Variants in DNAH7 observed in about 807,000 individuals in gnomAD.
DNAH7 encodes the protein dynein axonemal heavy chain 7, also known as axonemal beta dynein heavy chain 7.
A neutral mutation model predicts 444.6 loss-of-function variants in DNAH7; 397 were observed. The ratio of observed to expected loss-of-function variants is 0.89; its 90% CI spans 0.82 to 0.97. The LOEUF (loss-of-function observed/expected upper bound fraction) is 0.97, where lower values mean the gene tolerates loss of function less well. DNAH7 is among the 50% of genes least tolerant of loss of function. The probability of loss-of-function intolerance (pLI) is 0.00; values close to 1 mark genes in which losing one functional copy is unlikely to be tolerated. For synonymous variants in DNAH7, 1,636 were observed against 1,624.4 expected (o/e 1.01, Z -0.17); for missense variants, 4,902 against 4,800.8 (o/e 1.02, Z -0.62).
At chr2:195,836,814 A>G (rs1321414096) in intron 47 of DNAH7, among the ~76,000 whole-genome samples, 1 of 152,214 alleles carries the variant, frequency 6.6e-6, no homozygotes, top group East Asian at 1.9e-4. Flanking sequence ...TTTCCTAAAT[A>G]AATTGAATTA....
intron 7 of DNAH7, among the ~76,000 whole-genome samples, chr2:196,026,192 T>C (rs1459379706): frequency 6.6e-6 from 1 of 152,214 alleles, no homozygotes; most frequent in Non-Finnish European, 1.5e-5. Flanking sequence ...TGCAAATGAA[T>C]TAGTGTGGCT....
At chr2:195,813,273 GGA>G (rs891316318) in intron 51 of DNAH7, among the ~76,000 whole-genome samples, 7 of 152,116 alleles carry the variant, frequency 4.6e-5, no homozygotes, top group Non-Finnish European at 5.9e-5. Flanking sequence ...TTGAAAATAA[GGA>G]GAGAGATTTT....
intron 57 of DNAH7, among the ~76,000 whole-genome samples, chr2:195,788,187 G>A (rs1471832423): frequency 6.6e-6 from 1 of 152,212 alleles, no homozygotes. Context: ...GGCAATAGCA[G>A]CCGCCATCAG....
At chr2:195,786,866 T>C (rs778560085) in intron 58 of DNAH7, 144 bp downstream of exon 58, 10 of 752,950 alleles carry the variant, frequency 1.3e-5, no homozygotes, top group Non-Finnish European at 2.0e-5. Context: ...TACAATAAAG[T>C]ACTACTTAAT....
Position 195,953,373 on chromosome 2 carries a change from C to G in DNAH7, c.3078+3888G>C, listed in dbSNP as rs115119743. On this transcript the variant is annotated intron_variant, in intron 19 of 64. Transcript: ENST00000312428. ...TCTCCTGTATGAGGTGTCTGTTGAC[C>G]CTGGCTGGGAGGTATTTCCCAGTCA... 5.4e-3 allele frequency among the ~76,000 whole-genome samples: 815 copies of G among 152,268 alleles called. 11 individuals carry two copies. The highest frequency in any genetic ancestry group is 0.019 in the African/African-American group (781 of 41,560).
Position 195,861,772 on chromosome 2 carries a change from T to C in DNAH7, c.7681A>G (p.Thr2561Ala), listed in dbSNP as rs915361821. ...GTGGAGATTAATTCGAGGTAAGAGG[T>C]AGGAGTCACATAATTGTATCTTTGA... The part of the protein sequence containing the change: ...ELQRYNYVTP[T>A]SYLELISTFK... The change falls in exon 42 of 65, where the codon ACC becomes GCC. Residue 2561 changes from threonine (T) to alanine (A), a missense_variant. Transcript: ENST00000312428. 22 of 1,613,620 alleles carry C rather than the reference T, an allele frequency of 1.4e-5. No homozygotes were observed. Among genetic ancestry groups the C allele is most frequent in the Non-Finnish European group, 1.8e-5 (21 of 1,179,624 alleles).
At chr2:195,756,323 G>C (rs1694072377) in intron 61 of DNAH7, 38 bp from the exon 62 acceptor site, 1 of 1,485,496 alleles carries the variant, frequency 6.7e-7, no homozygotes, top group South Asian at 1.4e-5. Flanking sequence ...TAATAGTATA[G>C]ATTATGATAG....
chr2:195,841,128 A>G (rs988337078), intron 47 of DNAH7, among the ~76,000 whole-genome samples: 1 of 151,862 alleles, frequency 6.6e-6, no homozygotes, highest in Non-Finnish European at 1.5e-5. Flanking sequence ...ATGTGAACCA[A>G]TGATTTTCAA....
intron 19 of DNAH7, among the ~76,000 whole-genome samples, chr2:195,940,472 A>C (rs115925209): frequency 0.031 from 4,792 of 152,312 alleles, 94 homozygotes; most frequent in Middle Eastern, 0.054. Context: ...ATGGGCAAAG[A>C]CTTCATTGGC....
chr2:196,004,208 A>G (rs552990354), intron 10 of DNAH7, among the ~76,000 whole-genome samples: 49 of 152,348 alleles, frequency 3.2e-4, no homozygotes, highest in African/African-American at 1.1e-3. Context: ...CTCATCGAGC[A>G]GTGGTTTACA....
rs1694041140 is a variant in DNAH7, at chr2:195,755,826, A to C, written c.11586+307T>G. Reference sequence around the variant, plus strand: ...GACCTAGAAAAGTTCTGGGCAATGAAGCTATAATACCCCTCACTGGAAGCT... The same window carrying C: ...GACCTAGAAAAGTTCTGGGCAATGACGCTATAATACCCCTCACTGGAAGCT... On this transcript the variant is annotated intron_variant, in intron 62 of 64. Coordinates refer to ENST00000312428, the MANE Select transcript of DNAH7 (RefSeq NM_018897.3). Among the ~76,000 whole-genome samples, 3 of 152,210 alleles carry C rather than the reference A, an allele frequency of 2.0e-5. No homozygotes were observed. The South Asian group carries it at 6.2e-4, about 32-fold the overall frequency.
At chr2:195,946,549 G>C (rs889210529) in intron 19 of DNAH7, among the ~76,000 whole-genome samples, 1 of 152,128 alleles carries the variant, frequency 6.6e-6, no homozygotes, top group Non-Finnish European at 1.5e-5. Context: ...AAGACCAACA[G>C]AAAAGGCACA....
At chr2:195,891,536 T>G (rs1355636257) in intron 31 of DNAH7, 119 bp downstream of exon 31, 2 of 966,844 alleles carry the variant, frequency 2.1e-6, no homozygotes, top group Non-Finnish European at 2.8e-6. Flanking sequence ...CAGTACTGTG[T>G]TTTAAATAAT....
intron 12 of DNAH7, chr2:195,994,684 G>C (rs1472353885): frequency 2.0e-6 from 1 of 510,778 alleles, no homozygotes; most frequent in Non-Finnish European, 3.9e-6. Flanking sequence ...GTTTCTGGAG[G>C]GGCTTTCACA....
chr2:195,882,476 A>C (rs781698427), intron 35 of DNAH7, among the ~76,000 whole-genome samples: 4 of 152,220 alleles, frequency 2.6e-5, no homozygotes, highest in Non-Finnish European at 4.4e-5. Flanking sequence ...GTATAGAAAA[A>C]AATATATAAA....
At chr2:195,959,611 C>T (rs1272862199) in intron 18 of DNAH7, among the ~76,000 whole-genome samples, 1 of 152,152 alleles carries the variant, frequency 6.6e-6, no homozygotes, top group Non-Finnish European at 1.5e-5. Context: ...CCATGCAAAT[C>T]CACTGAAGAC....
At chr2:195,784,745 C>T (rs1398676750) in intron 58 of DNAH7, among the ~76,000 whole-genome samples, 2 of 152,144 alleles carry the variant, frequency 1.3e-5, no homozygotes, top group African/African-American at 4.8e-5. Flanking sequence ...TCCTTGTTAG[C>T]ATTTGGTGGT....
intron 52 of DNAH7, 34 bp downstream of exon 52, chr2:195,809,711 G>A: frequency 4.0e-6 from 6 of 1,486,840 alleles, no homozygotes; most frequent in Non-Finnish European, 5.4e-6. Context: ...GCGTTATTAA[G>A]GGTTTTTTTC....
intron 1 of DNAH7, among the ~76,000 whole-genome samples, chr2:196,059,435 T>C (rs1698014516): frequency 1.3e-5 from 2 of 152,250 alleles, no homozygotes; most frequent in Non-Finnish European, 2.9e-5. Context: ...GCTCCAAATC[T>C]GCCTTTTTTG....
Sources: gnomAD v4.1 joint callset for allele counts (sites outside exome capture counted in the v4.1 genomes callset) on GRCh38, gnomAD v4.1.1 for gene constraint, MANE v1.5 for transcripts, NCBI Gene and HGNC (gene_info 2026-07-23, HGNC 2026-07-21) for gene names.